The following AGAP1 variants were observed in gnomAD, a reference collection of about 807,000 sequenced individuals.
The protein encoded by AGAP1 is arf-GAP with GTPase, ANK repeat and PH domain-containing protein 1.
In AGAP1, 29 loss-of-function variants were observed where a neutral mutation model predicts 105.3. The observed-to-expected ratio is 0.28, with a 90% CI of 0.21 to 0.38. The LOEUF is 0.38. Among genes scored for constraint, AGAP1 ranks in the 10% least tolerant of loss-of-function variants. The pLI is 1.00. For missense variants in AGAP1, 998 were observed against 1,165.1 expected, an observed-to-expected ratio of 0.86 and a Z score of 2.09; for synonymous variants, 509 against 485.9, an observed-to-expected ratio of 1.05 and a Z score of -0.63.
Position 235,545,897 on chromosome 2 carries a change from G to A in AGAP1, c.163+51048G>A, listed in dbSNP as rs144468250. 7.9e-5 allele frequency among the ~76,000 whole-genome samples: 12 copies of A among 152,336 alleles called. No homozygotes were observed. In the East Asian group the frequency reaches 2.3e-3, roughly 29 times the overall value. On this transcript the variant is annotated intron_variant, in intron 1 of 17. Coordinates refer to ENST00000304032, the MANE Select transcript of AGAP1 (RefSeq NM_001037131.3). ...CATCGTAGGCATTGCTGAGTATTTG[G>A]GTGACTGACTTCTGAGCATGAAGGC...
rs1366514233 is a variant in AGAP1, at chr2:236,114,162, G to C, written c.2115-6030G>C. Among the ~76,000 whole-genome samples the C allele has an allele frequency of 1.3e-5, 2 of 152,100 alleles. No homozygotes were observed. The highest frequency in any genetic ancestry group is 4.8e-5 in the African/African-American group (2 of 41,396). On this transcript the variant is annotated intron_variant, in intron 16 of 17. Coordinates refer to ENST00000304032, the MANE Select transcript of AGAP1 (RefSeq NM_001037131.3). The surrounding 1 kb of genome is among the most constrained non-coding windows in gnomAD (Gnocchi z 5.0). The stretch of plus-strand genomic sequence containing the variant: ...GAGGCTGTGAACGGTGATCCTCCCG[G>C]GGATTGGAATGAGGGGAGGTGATCT...
chr2:235,807,393 G>A, intron 9 of AGAP1, 62 bp downstream of exon 9: 1 of 1,458,280 alleles, frequency 6.9e-7, no homozygotes, highest in East Asian at 2.4e-5. Flanking sequence ...TCTTCCTGGA[G>A]ATGATGCTGG....
chr2:235,685,051 T>G (rs1482068399), intron 1 of AGAP1, among the ~76,000 whole-genome samples: 1 of 151,692 alleles, frequency 6.6e-6, no homozygotes, highest in Non-Finnish European at 1.5e-5. Flanking sequence ...GAGTCAGGGG[T>G]GTGCAGGTTC....
At position 235,701,965 on chromosome 2, in the gene AGAP1, T is replaced by C. The variant is rs948268911; in HGVS notation, c.164-7214T>C. ...CTCCTCCCCTTTTCTGTGCTAAAAA[T>C]AATAGTTAAAATCCTTGTGACGTTT... is the stretch of plus-strand genomic sequence containing the variant. On this transcript the variant is annotated intron_variant, in intron 1 of 17. Transcript: ENST00000304032. This position sits in a 1 kb window ranked among gnomAD's most constrained non-coding sequence, Gnocchi z 4.1. Among the ~76,000 whole-genome samples the C allele has an allele frequency of 6.6e-6, 1 of 152,296 alleles. No individual in the cohort carries two copies. The highest frequency in any genetic ancestry group is 6.5e-5 in the Admixed American group (1 of 15,290).
intron 1 of AGAP1, among the ~76,000 whole-genome samples, chr2:235,680,002 C>T (rs1428731791): frequency 6.6e-6 from 1 of 152,170 alleles, no homozygotes; most frequent in Non-Finnish European, 1.5e-5. Context: ...TTCTAAGTAA[C>T]GTACTACTAC....
At chr2:236,021,121 G>A (rs1000280863) in intron 13 of AGAP1, among the ~76,000 whole-genome samples, 2 of 148,532 alleles carry the variant, frequency 1.3e-5, no homozygotes, top group South Asian at 4.3e-4. Flanking sequence ...AGCCAAGATC[G>A]TGCCACTACA....
chr2:236,128,090 T>C lies in AGAP1; in HGVS notation c.*3968T>C, dbSNP rs1259422741. On this transcript the variant is annotated 3_prime_UTR_variant, in exon 18 of 18. Coordinates refer to ENST00000304032, the MANE Select transcript of AGAP1 (RefSeq NM_001037131.3). This position sits in a 1 kb window ranked among gnomAD's most constrained non-coding sequence, Gnocchi z 5.9. ...ACGTTTGCCAACCCCCCCCCCCCAG[T>C]AGAGCCCAGGACCCTCCTCTCTCAG... 6.8e-6 allele frequency: 1 copy of C among 147,290 alleles called. No homozygotes were observed. The highest frequency in any genetic ancestry group is 1.5e-5 in the Non-Finnish European group (1 of 66,754). The allele number at this position is 147,290 out of a possible 1,614,324, so 9.1% of individuals were successfully genotyped here. A position where few individuals can be genotyped will look rare whatever the true frequency, so the allele number is the denominator to read the frequency against.
chr2:235,764,674 G>T (rs1954769104), intron 6 of AGAP1, among the ~76,000 whole-genome samples: 1 of 150,742 alleles, frequency 6.6e-6, no homozygotes, highest in Non-Finnish European at 1.5e-5. Flanking sequence ...CGTGGGGTGG[G>T]GGCATCTGGG....
chr2:236,102,281 G>T (rs1407858936), intron 16 of AGAP1, among the ~76,000 whole-genome samples: 1 of 151,430 alleles, frequency 6.6e-6, no homozygotes, highest in African/African-American at 2.4e-5. Flanking sequence ...GCCGGGCGTG[G>T]TGGCGGGTGC....
chr2:235,935,417 A>G (rs2052940881), intron 12 of AGAP1, among the ~76,000 whole-genome samples: 1 of 152,138 alleles, frequency 6.6e-6, no homozygotes, highest in Admixed American at 6.5e-5. Flanking sequence ...ATTTTTTTAC[A>G]TTTTTTCCCA....
intron 13 of AGAP1, among the ~76,000 whole-genome samples, chr2:235,987,467 T>TA (rs2055366057): frequency 6.6e-6 from 1 of 151,282 alleles, no homozygotes; most frequent in Admixed American, 6.6e-5. Context: ...GATTCATTGA[T>TA]TTTTTTCCCC....
At chr2:236,004,280 G>GAGTC (rs2056239638) in intron 13 of AGAP1, among the ~76,000 whole-genome samples, 1 of 152,116 alleles carries the variant, frequency 6.6e-6, no homozygotes, top group Non-Finnish European at 1.5e-5. Context: ...AGCTTAGCGT[G>GAGTC]ACCCAAGTTT....
chr2:235,860,067 C>T (rs1344119809), intron 9 of AGAP1, among the ~76,000 whole-genome samples: 1 of 152,228 alleles, frequency 6.6e-6, no homozygotes, highest in Admixed American at 6.5e-5. Flanking sequence ...GCTAAACCTT[C>T]ATCTCAGTTT....
At chr2:235,598,155 C>G (rs1281357505) in intron 1 of AGAP1, among the ~76,000 whole-genome samples, 1 of 152,090 alleles carries the variant, frequency 6.6e-6, no homozygotes, top group African/African-American at 2.4e-5. Flanking sequence ...GTCGACGTCC[C>G]AAAGCTGTGC....
rs1559417912 is a variant in AGAP1 at position 235,739,432 on chromosome 2, C to T, written c.311-1531C>T. On this transcript the variant is annotated intron_variant, in intron 3 of 17. Coordinates refer to ENST00000304032, the MANE Select transcript of AGAP1 (RefSeq NM_001037131.3). This position sits in a 1 kb window ranked among gnomAD's most constrained non-coding sequence, Gnocchi z 5.3. ...TGGGGCTCACCCTGTCTGGACCCAG[C>T]GGCCTGACTGGCCTGGATGTGTCCC... Among the ~76,000 whole-genome samples, 1 of 152,242 alleles carries T rather than the reference C, an allele frequency of 6.6e-6. No homozygotes were observed. Among genetic ancestry groups the T allele is most frequent in the East Asian group, 1.9e-4 (1 of 5,190 alleles).
chr2:235,539,314 T>C (rs1299001352), intron 1 of AGAP1, among the ~76,000 whole-genome samples: 4 of 152,204 alleles, frequency 2.6e-5, no homozygotes, highest in Non-Finnish European at 1.5e-5. Flanking sequence ...GTGGCAACAG[T>C]GCTTTGCTGT....
At chr2:235,568,004 G>A (rs909420707) in intron 1 of AGAP1, among the ~76,000 whole-genome samples, 2 of 152,114 alleles carry the variant, frequency 1.3e-5, no homozygotes, top group Non-Finnish European at 2.9e-5. Flanking sequence ...GAAATGCCAG[G>A]TATATGCCCT....
Position 235,720,895 on chromosome 2 carries a change from G to C in AGAP1, c.310+3251G>C, listed in dbSNP as rs765260913. On this transcript the variant is annotated intron_variant, in intron 3 of 17. Transcript: ENST00000304032. The surrounding 1 kb of genome is among the most constrained non-coding windows in gnomAD (Gnocchi z 5.0). Reference sequence around the variant, plus strand: ...CCTCAGATACATCAGATGCATTTTAGCTCCATCCCAGAGGGTAATATCTGC... The same window carrying C: ...CCTCAGATACATCAGATGCATTTTACCTCCATCCCAGAGGGTAATATCTGC... Among the ~76,000 whole-genome samples, 3 of 152,208 alleles carry C rather than the reference G, an allele frequency of 2.0e-5. No homozygotes were observed. The highest frequency in any genetic ancestry group is 4.4e-5 in the Non-Finnish European group (3 of 68,032).
At chr2:235,658,334 G>A (rs1947839933) in intron 1 of AGAP1, among the ~76,000 whole-genome samples, 1 of 152,228 alleles carries the variant, frequency 6.6e-6, no homozygotes, top group South Asian at 2.1e-4. Flanking sequence ...ACCTGCGAAA[G>A]GTCTGGATGT....
Sources: allele counts gnomAD v4.1 joint callset (sites outside exome capture counted in the v4.1 genomes callset), GRCh38; gene constraint gnomAD v4.1.1; non-coding constraint Gnocchi (gnomAD v3.1); transcripts MANE v1.5; gene names NCBI Gene and HGNC (gene_info 2026-07-23, HGNC 2026-07-21).